LAMA1: variants seen among roughly 807,000 people sequenced by gnomAD.
The protein encoded by LAMA1 is laminin subunit alpha-1.
A neutral mutation model predicts 348.7 loss-of-function variants in LAMA1; 219 were observed. The ratio of observed to expected loss-of-function variants is 0.63; its 90% confidence interval spans 0.56 to 0.70. The LOEUF is 0.70. Among genes scored for constraint, LAMA1 ranks in the 30% least tolerant of loss-of-function variants. The pLI, the probability that LAMA1 is intolerant of heterozygous loss-of-function variation, is 0.00. For missense variants in LAMA1, 3,744 were observed against 3,888.0 expected (o/e 0.96, Z 0.99); for synonymous variants, 1,487 against 1,491.0 (o/e 1.00, Z 0.06).
chr18:7,071,654 A>C (rs1034142252), intron 3 of LAMA1, among the ~76,000 whole-genome samples: 3 of 152,252 alleles, frequency 2.0e-5, no homozygotes, highest in Non-Finnish European at 2.9e-5. Flanking sequence ...TTTCAGTTAT[A>C]CTGGGAAATG....
intron 3 of LAMA1, among the ~76,000 whole-genome samples, chr18:7,064,312 A>G (rs1331592122): frequency 6.6e-6 from 1 of 152,244 alleles, no homozygotes; most frequent in Admixed American, 6.5e-5. Flanking sequence ...GAATGGTATG[A>G]AGATTCAACC....
chr18:7,043,011 C>A (rs1427058688), intron 8 of LAMA1: 1 of 579,966 alleles, frequency 1.7e-6, no homozygotes, highest in African/African-American at 1.9e-5. Context: ...GCTAATGGAC[C>A]CCTGAATTCA....
intron 3 of LAMA1, among the ~76,000 whole-genome samples, chr18:7,053,284 C>G (rs1053275257): frequency 6.6e-6 from 1 of 152,130 alleles, no homozygotes; most frequent in Admixed American, 6.5e-5. Flanking sequence ...ACACATTTGT[C>G]TAAACACACA....
In LAMA1 at chr18:7,050,977, A is replaced by C. The variant is rs12953760; in HGVS notation, c.346-41T>G. ...TGAAAAGTCTCAATCCAGAATCAAT[A>C]CAAGCCAGGCACAGAATGAGAGCTA... On this transcript the variant is annotated intron_variant, in intron 3 of 62. Transcript: ENST00000389658. The C allele has an allele frequency of 1.9e-6, 3 of 1,610,700 alleles. No individual in the cohort carries two copies. In the Admixed American group the frequency reaches 5.0e-5, roughly 27 times the overall value.
chr18:7,034,933 A>G (rs541928), intron 13 of LAMA1, among the ~76,000 whole-genome samples: 30,581 of 152,154 alleles, frequency 0.2, 3,274 homozygotes, highest in Middle Eastern at 0.27. Context: ...GGATCTTGGA[A>G]AAGAAAGAAA....
intron 21 of LAMA1, among the ~76,000 whole-genome samples, 197 bp downstream of exon 21, chr18:7,016,294 T>C (rs1171525620): frequency 6.6e-6 from 1 of 152,090 alleles, no homozygotes; most frequent in African/African-American, 2.4e-5. Flanking sequence ...CCACAATTAG[T>C]AGGCGGCAGA....
Position 6,971,904 on chromosome 18 carries a change from T to A in LAMA1, c.6852A>T (p.Leu2284=), listed in dbSNP as rs1022229896. The change falls in exon 48 of 63, where the codon CTA becomes CTT. Residue 2284 remains leucine, a synonymous_variant. Coordinates refer to ENST00000389658, the MANE Select transcript of LAMA1 (RefSeq NM_005559.4). ...EAFLNGKSIG[L]WNYIEREGKC... ...TGCCTTCCCTTTCAATATAGTTCCA[T>A]AGGCCTATGGATTTTCCATTCAGGA... is the stretch of plus-strand genomic sequence containing the variant. The A allele has an allele frequency of 1.2e-6, 2 of 1,614,018 alleles. No individual in the cohort carries two copies. Among genetic ancestry groups the A allele is most frequent in the African/African-American group, 1.3e-5 (1 of 74,924 alleles).
intron 48 of LAMA1, among the ~76,000 whole-genome samples, chr18:6,969,531 A>G (rs1207614533): frequency 6.6e-6 from 1 of 152,202 alleles, no homozygotes; most frequent in Non-Finnish European, 1.5e-5. Flanking sequence ...CACAATACCT[A>G]TTAATACCCT....
At position 7,025,969 on chromosome 18, in the gene LAMA1, C is replaced by T. The variant is rs949533351; in HGVS notation, c.2402+10G>A. On this transcript the variant is annotated intron_variant, in intron 17 of 62. Transcript: ENST00000389658. ...GCTGGCAGGAACCGCTGATGAGGTC[C>T]GAGGCTTACTTGTTGGAGGCTATGG... The T allele has an allele frequency of 7.5e-6, 12 of 1,603,346 alleles. No individual in the cohort carries two copies. In the African/African-American group the frequency reaches 9.4e-5, roughly 13 times the overall value.
At chr18:7,085,627 C>T (rs1431870269) in intron 1 of LAMA1, among the ~76,000 whole-genome samples, 7 of 151,950 alleles carry the variant, frequency 4.6e-5, no homozygotes, top group Admixed American at 4.6e-4. Context: ...ACCACGTTAG[C>T]CAGGATGGTC....
intron 5 of LAMA1, among the ~76,000 whole-genome samples, chr18:7,048,147 A>G (rs2058049230): frequency 6.6e-6 from 1 of 152,208 alleles, no homozygotes; most frequent in Non-Finnish European, 1.5e-5. Context: ...TATACAAAAT[A>G]TATAAAATTC....
intron 19 of LAMA1, among the ~76,000 whole-genome samples, chr18:7,019,671 ATTCTT>A (rs2057906414): frequency 1.5e-5 from 2 of 134,908 alleles, no homozygotes. Context: ...TATTATGGTA[ATTCTT>A]TTTTTTTTTT....
At chr18:7,010,720 A>G (rs2057855867) in intron 25 of LAMA1, among the ~76,000 whole-genome samples, 1 of 152,224 alleles carries the variant, frequency 6.6e-6, no homozygotes, top group Non-Finnish European at 1.5e-5. Flanking sequence ...AATTGTAAAG[A>G]TCAGGGTGAA....
rs912323497 is a variant in LAMA1, at chr18:7,109,801, G to A, written c.61+7859C>T. Reference sequence around the variant, plus strand: ...GGCAGGAGCAGAGGGAGAACATTACGAAGGCGGTATTTTGGCGGGGTTACT... The same window carrying A: ...GGCAGGAGCAGAGGGAGAACATTACAAAGGCGGTATTTTGGCGGGGTTACT... On this transcript the variant is annotated intron_variant, in intron 1 of 62. Coordinates refer to ENST00000389658, the MANE Select transcript of LAMA1 (RefSeq NM_005559.4). Among the ~76,000 whole-genome samples, 7 of 57,124 alleles carry A rather than the reference G, an allele frequency of 1.2e-4. No individual in the cohort carries two copies. The South Asian group carries it at 3.0e-3, about 24-fold the overall frequency. The allele number at this position is 57,124 out of a possible 152,430, so 37.5% of individuals were successfully genotyped here.
At chr18:7,074,765 A>C (rs2058159983) in intron 3 of LAMA1, among the ~76,000 whole-genome samples, 1 of 152,122 alleles carries the variant, frequency 6.6e-6, no homozygotes, top group Non-Finnish European at 1.5e-5. Flanking sequence ...AATACTGTGA[A>C]TCAATGAAAG....
In LAMA1 at chr18:6,958,539, C is replaced by T. The variant is rs756727988; in HGVS notation, c.7902G>A (p.Thr2634=). The change falls in exon 55 of 63, where the codon ACG becomes ACA. Residue 2634 remains threonine (T), a synonymous_variant. Transcript: ENST00000389658. The stretch of plus-strand genomic sequence containing the variant: ...ACGATCTTCTCATTGTGAGCAGTGA[C>T]GTCCCCTCTCCCTCTGGAATTCCCC... The part of the protein sequence containing the change: ...YVGGIPEGEG[T]SLLTMRRSFH... 4.5e-5 allele frequency: 72 copies of T among 1,614,056 alleles called. No individual in the cohort carries two copies. The highest frequency in any genetic ancestry group is 1.2e-4 in the Admixed American group (7 of 59,990).
At chr18:7,063,078 A>T (rs1353994773) in intron 3 of LAMA1, among the ~76,000 whole-genome samples, 3 of 152,238 alleles carry the variant, frequency 2.0e-5, no homozygotes, top group Non-Finnish European at 2.9e-5. Context: ...CCTATTAGTT[A>T]TACATTTACA....
chr18:7,097,681 C>T (rs1489609420), intron 1 of LAMA1, among the ~76,000 whole-genome samples: 1 of 152,104 alleles, frequency 6.6e-6, no homozygotes, highest in Non-Finnish European at 1.5e-5. Flanking sequence ...AAAACAGATG[C>T]ATAGATCAAT....
Position 7,009,390 on chromosome 18 carries a change from A to G in LAMA1, c.3874-24T>C, listed in dbSNP as rs199598273. The G allele has an allele frequency of 6.6e-5, 107 of 1,613,636 alleles. No homozygotes were observed. The African/African-American group carries it at 9.9e-4, about 15-fold the overall frequency. ...TTCTGTAGAATGAGAAACACATTCA[A>G]TTAAGCTCAGAGGCCAAATTCTGAC... On this transcript the variant is annotated intron_variant, in intron 26 of 62. Transcript: ENST00000389658.
Sources: allele counts gnomAD v4.1 joint callset (sites outside exome capture counted in the v4.1 genomes callset), GRCh38; gene constraint gnomAD v4.1.1; transcripts MANE v1.5; gene names NCBI Gene and HGNC (gene_info 2026-07-23, HGNC 2026-07-21).